The following FUCA2 variants were observed in gnomAD, a reference collection of about 807,000 sequenced individuals.
The protein encoded by FUCA2 is alpha-L-fucosidase 2, also known as plasma alpha-L-fucosidase.
Under a neutral mutation model 52.6 loss-of-function variants are expected in FUCA2, and 41 were observed. The ratio of observed to expected loss-of-function variants is 0.78; its 90% CI spans 0.61 to 1.01. The LOEUF (loss-of-function observed/expected upper bound fraction) is 1.01, where lower values mean the gene tolerates loss of function less well. FUCA2 is among the 50% of genes least tolerant of loss of function. The probability of loss-of-function intolerance (pLI) is 0.00; values close to 1 mark genes in which losing one functional copy is unlikely to be tolerated. For synonymous variants in FUCA2, 211 were observed against 217.3 expected (o/e 0.97, Z 0.26); for missense variants, 507 against 569.5 (o/e 0.89, Z 1.12).
Position 143,495,401 on chromosome 6 carries a change from AT to A in FUCA2, c.*305del, listed in dbSNP as rs1368159849. On this transcript the variant is annotated 3_prime_UTR_variant, in exon 7 of 7. Transcript: ENST00000002165. This position sits in a 1 kb window ranked among gnomAD's most constrained non-coding sequence, Gnocchi z 5.2. ...ATGGGGGATATGGCTTCAACATAAA[AT>A]TTTCAGTTCGGTCCATAATACCACC... is the stretch of plus-strand genomic sequence containing the variant. 4.0e-6 allele frequency: 1 copy of A among 252,798 alleles called. No individual in the cohort carries two copies. 15.7% of individuals were successfully genotyped at this position (252,798 alleles called of 1,614,324 possible).
In FUCA2 at chr6:143,497,448, A is replaced by AT; in HGVS notation, c.1203dup (p.Trp402MetfsTer31). ...AGGAACAGCTGTCCTGATGTGGGCCATTTAAGAAAAATGGCATAGACTAAT... is the reference window on the plus strand; with the variant it reads ...AGGAACAGCTGTCCTGATGTGGGCCATTTTAAGAAAAATGGCATAGACTAAT... On this transcript the variant is annotated frameshift_variant, in exon 6 of 7. Transcript: ENST00000002165. LOFTEE classifies it high-confidence loss of function. This position sits in a 1 kb window ranked among gnomAD's most constrained non-coding sequence, Gnocchi z 5.3. The AT allele has an allele frequency of 6.2e-7, 1 of 1,613,994 alleles. No homozygotes were observed. Among genetic ancestry groups the AT allele is most frequent in the Non-Finnish European group, 8.5e-7 (1 of 1,179,920 alleles).
In FUCA2 at chr6:143,497,915, CAA is replaced by C. The variant is rs1379417341; in HGVS notation, c.1155-420_1155-419del. 6.6e-6 allele frequency among the ~76,000 whole-genome samples: 1 copy of C among 152,148 alleles called. No homozygotes were observed. The highest frequency in any genetic ancestry group is 1.5e-5 in the Non-Finnish European group (1 of 68,022). ...TCAGTGTTAGAGTTACAATAAAAAA[CAA>C]AACACACATAGTCCTTGTTCTTATG... On this transcript the variant is annotated intron_variant, in intron 5 of 6. Transcript: ENST00000002165. The surrounding 1 kb of genome is among the most constrained non-coding windows in gnomAD (Gnocchi z 5.3).
At position 143,499,390 on chromosome 6, in the gene FUCA2, C is replaced by T. The variant is rs927729582; in HGVS notation, c.1155-1893G>A. Among the ~76,000 whole-genome samples, 1 of 152,096 alleles carries T rather than the reference C, an allele frequency of 6.6e-6. No homozygotes were observed. Among genetic ancestry groups the T allele is most frequent in the African/African-American group, 2.4e-5 (1 of 41,410 alleles). ...CAAACATGGTGAAACCCCATCTCTA[C>T]TAAAAATACAAAAAAATTAGCCAGG... On this transcript the variant is annotated intron_variant, in intron 5 of 6. Coordinates refer to ENST00000002165, the MANE Select transcript of FUCA2 (RefSeq NM_032020.5). This position sits in a 1 kb window ranked among gnomAD's most constrained non-coding sequence, Gnocchi z 6.0.
In FUCA2 at chr6:143,503,129, T is replaced by A. The variant is rs1290752047; in HGVS notation, c.753-564A>T. On this transcript the variant is annotated intron_variant, in intron 3 of 6. Coordinates refer to ENST00000002165, the MANE Select transcript of FUCA2 (RefSeq NM_032020.5). This position sits in a 1 kb window ranked among gnomAD's most constrained non-coding sequence, Gnocchi z 4.8. ...ATTTAAGAGGGAAATACACGCCACA[T>A]AGAGGGAACAGTTTTGAGTCACAAA... is the stretch of plus-strand genomic sequence containing the variant. 1 of 153,032 alleles carries A rather than the reference T, an allele frequency of 6.5e-6. No individual in the cohort carries two copies. The highest frequency in any genetic ancestry group is 1.5e-5 in the Non-Finnish European group (1 of 68,672). The allele number at this position is 153,032 out of a possible 1,614,324, so 9.5% of individuals were successfully genotyped here.
In FUCA2 at chr6:143,503,953, A is replaced by G. The variant is rs1780564631; in HGVS notation, c.712T>C (p.Trp238Arg). 8.1e-6 allele frequency: 13 copies of G among 1,614,032 alleles called. No homozygotes were observed. The highest frequency in any genetic ancestry group is 1.7e-5 in the Admixed American group (1 of 59,986). ...DGDGGAPDQY[W>R]NSTGFLAWLY... ...CAGGCCAAGAAGCCTGTGCTGTTCC[A>G]GTATTGATCCGGTGCTCCTCCGTCA... The change falls in exon 3 of 7, where the codon TGG (tryptophan) becomes CGG (arginine). Residue 238 changes from tryptophan to arginine, a missense_variant. Trp to Arg is a moderately radical substitution (Grantham distance 101, BLOSUM62 -3). Transcript: ENST00000002165. This position sits in a 1 kb window ranked among gnomAD's most constrained non-coding sequence, Gnocchi z 4.8.
At position 143,507,493 on chromosome 6, in the gene FUCA2, C is replaced by G. The variant is rs1780624370; in HGVS notation, c.225-69G>C. On this transcript the variant is annotated intron_variant, in intron 1 of 6. Coordinates refer to ENST00000002165, the MANE Select transcript of FUCA2 (RefSeq NM_032020.5). This position sits in a 1 kb window ranked among gnomAD's most constrained non-coding sequence, Gnocchi z 4.5. The stretch of plus-strand genomic sequence containing the variant: ...CATATTTAAAAGAACTGCTCCAGCT[C>G]CCCTTACCATTTACCCCTCACACAG... 2.7e-6 allele frequency: 3 copies of G among 1,126,040 alleles called. No individual in the cohort carries two copies. The highest frequency in any genetic ancestry group is 3.7e-6 in the Non-Finnish European group (3 of 804,302). The allele number at this position is 1,126,040 out of a possible 1,614,324, so 69.8% of individuals were successfully genotyped here. A position where few individuals can be genotyped will look rare whatever the true frequency, so the allele number is the denominator to read the frequency against.
chr6:143,498,389 G>A (rs1780490553), intron 5 of FUCA2, among the ~76,000 whole-genome samples: 1 of 152,184 alleles, frequency 6.6e-6, no homozygotes, highest in Admixed American at 6.5e-5. Flanking sequence ...AGAAGGACAG[G>A]GCATGCTAGG....
chr6:143,511,495 G>C lies in FUCA2; in HGVS notation c.140C>G (p.Pro47Arg). The C allele has an allele frequency of 6.2e-7, 1 of 1,603,008 alleles. No homozygotes were observed. ...GAACTTGGCCTGGTCAAACCACGCG[G>C]GCAGCTGGCGGGCGTCCAGGGACTC... Reference protein sequence around the residue: ...TWESLDARQLPAWFDQAKFGI... With the variant: ...TWESLDARQLRAWFDQAKFGI... Residue 47 changes from proline to arginine, a missense_variant, in exon 1 of 7, where the codon CCC becomes CGC. Coordinates refer to ENST00000002165, the MANE Select transcript of FUCA2 (RefSeq NM_032020.5). This position sits in a 1 kb window ranked among gnomAD's most constrained non-coding sequence, Gnocchi z 6.3.
At position 143,500,422 on chromosome 6, in the gene FUCA2, T is replaced by G. The variant is rs1161440038; in HGVS notation, c.1154+1510A>C. On this transcript the variant is annotated intron_variant, in intron 5 of 6. Transcript: ENST00000002165. The surrounding 1 kb of genome is among the most constrained non-coding windows in gnomAD (Gnocchi z 6.9). ...TATTGGTAATGCAAAGTCTAAAGTA[T>G]GTTTATAAAAGAAAGGGAAGTTAAG... 2.6e-5 allele frequency among the ~76,000 whole-genome samples: 4 copies of G among 152,212 alleles called. No homozygotes were observed. In the East Asian group the frequency reaches 7.7e-4, roughly 29 times the overall value.
At position 143,497,273 on chromosome 6, in the gene FUCA2, C is replaced by T; in HGVS notation, c.1263+116G>A. ...ACAATGCTTGGCTGGAGCTCATTTACAATTCCTTTTATGAAGTATAAGTGA... is the reference window on the plus strand; with the variant it reads ...ACAATGCTTGGCTGGAGCTCATTTATAATTCCTTTTATGAAGTATAAGTGA... On this transcript the variant is annotated intron_variant, in intron 6 of 6. Transcript: ENST00000002165. This position sits in a 1 kb window ranked among gnomAD's most constrained non-coding sequence, Gnocchi z 5.3. The T allele has an allele frequency of 1.4e-6, 1 of 703,822 alleles. No individual in the cohort carries two copies. The highest frequency in any genetic ancestry group is 2.5e-6 in the Non-Finnish European group (1 of 399,014). The allele number at this position is 703,822 out of a possible 1,614,324, so 43.6% of individuals were successfully genotyped here. A position where few individuals can be genotyped will look rare whatever the true frequency, so the allele number is the denominator to read the frequency against.
chr6:143,498,619 G>A (rs761638380), intron 5 of FUCA2, among the ~76,000 whole-genome samples: 2 of 152,256 alleles, frequency 1.3e-5, no homozygotes, highest in East Asian at 1.9e-4. Flanking sequence ...GAGAGGAAGT[G>A]GGGGAGGGTG....
chr6:143,508,450 G>A (rs1423811969), intron 1 of FUCA2, among the ~76,000 whole-genome samples: 1 of 152,210 alleles, frequency 6.6e-6, no homozygotes, highest in Non-Finnish European at 1.5e-5. Context: ...AGACGATCAG[G>A]AGACTCTGCT....
In FUCA2 at chr6:143,507,400, T is replaced by C. The variant is rs1455448659; in HGVS notation, c.249A>G (p.Ile83Met). ...WFWWYWQKEK[I>M]PKYVEFMKDN... ...CTTTCATAAATTCCACATACTTCGG[T>C]ATCTTTTCCTTTTGCCAATACCACC... The change falls in exon 2 of 7, where the codon ATA becomes ATG. Residue 83 changes from isoleucine to methionine, a missense_variant. Physicochemically the swap from Ile to Met is conservative, Grantham distance 10. Transcript: ENST00000002165. The surrounding 1 kb of genome is among the most constrained non-coding windows in gnomAD (Gnocchi z 4.5). The C allele has an allele frequency of 1.9e-6, 3 of 1,599,662 alleles. No individual in the cohort carries two copies. Among genetic ancestry groups the C allele is most frequent in the Middle Eastern group, 1.8e-4 (1 of 5,614 alleles).
intron 6 of FUCA2, chr6:143,496,644 A>G (rs1780464136): frequency 2.0e-5 from 3 of 152,226 alleles, no homozygotes; most frequent in Non-Finnish European, 4.4e-5. Flanking sequence ...AATGAACTCA[A>G]TGCCAGATCT....
In FUCA2 at chr6:143,507,518, G is replaced by T; in HGVS notation, c.225-94C>A. ...CCCCTTACCATTTACCCCTCACACA[G>T]ATAGGACCCAGATTCTCTTTCTCAC... On this transcript the variant is annotated intron_variant, in intron 1 of 6. Coordinates refer to ENST00000002165, the MANE Select transcript of FUCA2 (RefSeq NM_032020.5). This position sits in a 1 kb window ranked among gnomAD's most constrained non-coding sequence, Gnocchi z 4.5. The T allele has an allele frequency of 2.3e-6, 2 of 862,998 alleles. No homozygotes were observed. Among genetic ancestry groups the T allele is most frequent in the Non-Finnish European group, 3.5e-6 (2 of 575,650 alleles). The allele number at this position is 862,998 out of a possible 1,614,324, so 53.5% of individuals were successfully genotyped here.
chr6:143,506,249 G>A (rs552065584), intron 2 of FUCA2: 1 of 141,248 alleles, frequency 7.1e-6, no homozygotes, highest in Non-Finnish European at 1.5e-5. Context: ...AGACTGGAGT[G>A]TAGTAAGCCT....
rs1217612920 is a variant in FUCA2 at position 143,509,589 on chromosome 6, T to C, written c.224+1822A>G. On this transcript the variant is annotated intron_variant, in intron 1 of 6. Transcript: ENST00000002165. The surrounding 1 kb of genome is among the most constrained non-coding windows in gnomAD (Gnocchi z 5.4). ...TAATCTTCATGGTTGAACAAAATGATAATATAAGATACAATTTAGGGGGAA... is the reference window on the plus strand; with the variant it reads ...TAATCTTCATGGTTGAACAAAATGACAATATAAGATACAATTTAGGGGGAA... Among the ~76,000 whole-genome samples, 1 of 152,218 alleles carries C rather than the reference T, an allele frequency of 6.6e-6. No individual in the cohort carries two copies. The highest frequency in any genetic ancestry group is 2.4e-5 in the African/African-American group (1 of 41,456).
chr6:143,502,644 T>C lies in FUCA2; in HGVS notation c.753-79A>G. Reference sequence around the variant, plus strand: ...AAAGAAATGTCACTGAAAAGACATGTAATTGAAATACAATTCTGAAAAGGG... The same window carrying C: ...AAAGAAATGTCACTGAAAAGACATGCAATTGAAATACAATTCTGAAAAGGG... On this transcript the variant is annotated intron_variant, in intron 3 of 6. Transcript: ENST00000002165. The surrounding 1 kb of genome is among the most constrained non-coding windows in gnomAD (Gnocchi z 4.1). 1.6e-6 allele frequency: 2 copies of C among 1,217,920 alleles called. No individual in the cohort carries two copies. Among genetic ancestry groups the C allele is most frequent in the Non-Finnish European group, 2.3e-6 (2 of 858,224 alleles). 75.4% of individuals were successfully genotyped at this position (1,217,920 alleles called of 1,614,324 possible).
chr6:143,508,905 G>A (rs1182650294), intron 1 of FUCA2, among the ~76,000 whole-genome samples: 1 of 152,034 alleles, frequency 6.6e-6, no homozygotes, highest in African/African-American at 2.4e-5. Flanking sequence ...TAATTGATTG[G>A]TTGAGACAGG....
Sources: allele counts gnomAD v4.1 joint callset (sites outside exome capture counted in the v4.1 genomes callset), GRCh38; gene constraint gnomAD v4.1.1; non-coding constraint Gnocchi (gnomAD v3.1); transcripts MANE v1.5; gene names NCBI Gene and HGNC (gene_info 2026-07-23, HGNC 2026-07-21).